SEC24B: variants seen among roughly 807,000 people sequenced by gnomAD.
SEC24B encodes the protein SEC24 homolog B, COPII component, also known as protein transport protein Sec24B.
A neutral mutation model predicts 142.8 loss-of-function variants in SEC24B; 45 were observed. The observed-to-expected ratio is 0.32, with a 90% CI of 0.25 to 0.40. SEC24B has a LOEUF of 0.40. SEC24B is among the 10% of genes least tolerant of loss of function. The probability of loss-of-function intolerance (pLI) is 1.00; values close to 1 mark genes in which losing one functional copy is unlikely to be tolerated. For synonymous variants in SEC24B, 574 were observed against 568.2 expected (o/e 1.01, Z -0.15); for missense variants, 1,409 against 1,526.8 (o/e 0.92, Z 1.29).
rs1277172705 is a variant in SEC24B, at chr4:109,433,993, C to G, written c.124C>G (p.Gln42Glu). Residue 42 changes from glutamine to glutamate, a missense_variant, in exon 1 of 24, where the codon CAG becomes GAG. Physicochemically the swap from Gln to Glu is conservative, Grantham distance 29. Around this residue, in one of 2 missense-constraint regions of SEC24B, gnomAD observed 709 missense variants for 673.5 expected, o/e 1.05. Coordinates refer to ENST00000265175, the MANE Select transcript of SEC24B (RefSeq NM_006323.5). Reference sequence around the variant, plus strand: ...CCCGGGTGCGGGCCCGGCGCCGCACCAGCAGAACGGTGAGGCGGGCGGCCC... The same window carrying G: ...CCCGGGTGCGGGCCCGGCGCCGCACGAGCAGAACGGTGAGGCGGGCGGCCC... ...AGPGAGPAPH[Q>E]QNGPAQNQMQ... The G allele has an allele frequency of 8.4e-7, 1 of 1,183,736 alleles. No individual in the cohort carries two copies. The highest frequency in any genetic ancestry group is 3.7e-5 in the East Asian group (1 of 26,764). 73.3% of individuals were successfully genotyped at this position (1,183,736 alleles called of 1,614,324 possible).
intron 18 of SEC24B, among the ~76,000 whole-genome samples, chr4:109,528,873 A>G (rs1724573820): frequency 6.6e-6 from 1 of 152,194 alleles, no homozygotes; most frequent in Admixed American, 6.5e-5. Context: ...TAACAGAAGC[A>G]TTTAATCAGT....
chr4:109,474,723 C>A (rs1212849966), intron 3 of SEC24B, among the ~76,000 whole-genome samples: 1 of 152,144 alleles, frequency 6.6e-6, no homozygotes, highest in Non-Finnish European at 1.5e-5. Context: ...CCACGCCCAG[C>A]CCCTATCATA....
At position 109,507,278 on chromosome 4, in the gene SEC24B, C is replaced by CT. The variant is rs34809833; in HGVS notation, c.1673+782dup. Among the ~76,000 whole-genome samples, 1,216 of 139,370 alleles carry CT rather than the reference C, an allele frequency of 8.7e-3. 12 individuals carry two copies. The highest frequency in any genetic ancestry group is 0.02 in the African/African-American group (768 of 37,804). 91.4% of individuals were successfully genotyped at this position (139,370 alleles called of 152,430 possible). ...TGATTCACAGAACAACATTGTCTTC[C>CT]TTTTTTTTTTTTTTTTGATGGGGTC... On this transcript the variant is annotated intron_variant, in intron 7 of 23. Coordinates refer to ENST00000265175, the MANE Select transcript of SEC24B (RefSeq NM_006323.5).
chr4:109,470,107 T>A, intron 2 of SEC24B, among the ~76,000 whole-genome samples: 1 of 152,184 alleles, frequency 6.6e-6, no homozygotes, highest in East Asian at 1.9e-4. Context: ...TACCAAGGAA[T>A]GGTCAGGATG....
At chr4:109,483,600 C>G (rs1372376245) in intron 4 of SEC24B, among the ~76,000 whole-genome samples, 1 of 152,082 alleles carries the variant, frequency 6.6e-6, no homozygotes, top group African/African-American at 2.4e-5. Context: ...TTATATGTGA[C>G]CACAATTCTC....
chr4:109,504,306 A>T (rs142122628), intron 6 of SEC24B, among the ~76,000 whole-genome samples: 133 of 152,290 alleles, frequency 8.7e-4, no homozygotes, highest in Admixed American at 1.6e-3. Flanking sequence ...CTGTTTCAAA[A>T]ATGCCTTTGT....
intron 14 of SEC24B, 123 bp from the exon 15 acceptor site, chr4:109,524,695 C>G (rs889295620): frequency 4.0e-6 from 3 of 750,870 alleles, no homozygotes; most frequent in Middle Eastern, 2.5e-4. Flanking sequence ...GCACCAAATG[C>G]CTAGACATTT....
intron 1 of SEC24B, 75 bp downstream of exon 1, chr4:109,434,077 GCGGGC>G: frequency 1.2e-5 from 12 of 965,114 alleles, no homozygotes; most frequent in Non-Finnish European, 1.5e-5. Flanking sequence ...TCGGGGCGGG[GCGGGC>G]CGGGCCGGGA....
chr4:109,457,513 A>G (rs1020473880), intron 1 of SEC24B, among the ~76,000 whole-genome samples: 2 of 152,220 alleles, frequency 1.3e-5, no homozygotes, highest in African/African-American at 4.8e-5. Context: ...AGAAAAGGGG[A>G]CCAAACTTGC....
At chr4:109,530,690 C>T (rs915591112) in intron 19 of SEC24B, among the ~76,000 whole-genome samples, 4 of 151,714 alleles carry the variant, frequency 2.6e-5, no homozygotes, top group Admixed American at 6.6e-5. Flanking sequence ...TCAGCTGATG[C>T]CAGGAGTTTG....
intron 2 of SEC24B, among the ~76,000 whole-genome samples, chr4:109,471,968 T>A (rs2125958007): frequency 6.6e-6 from 1 of 152,348 alleles, no homozygotes; most frequent in South Asian, 2.1e-4. Flanking sequence ...ATTGTGATGA[T>A]GTTTTTAATC....
rs896999015 is a variant in SEC24B, at chr4:109,483,315, A to G, written c.1165+1534A>G. Among the ~76,000 whole-genome samples the G allele has an allele frequency of 5.3e-5, 8 of 150,456 alleles. No individual in the cohort carries two copies. In the South Asian group the frequency reaches 6.4e-4, roughly 12 times the overall value. On this transcript the variant is annotated intron_variant, in intron 4 of 23. Coordinates refer to ENST00000265175, the MANE Select transcript of SEC24B (RefSeq NM_006323.5). ...AGGATGGTCTTGATCTCCTGACCTC[A>G]TGATCCGCCTGCCTTGGCCTCCCAA...
At chr4:109,453,086 C>T (rs185580161) in intron 1 of SEC24B, among the ~76,000 whole-genome samples, 1 of 152,226 alleles carries the variant, frequency 6.6e-6, no homozygotes, top group Admixed American at 6.5e-5. Context: ...ACCCTAAAAC[C>T]AGCAAGTTTT....
chr4:109,433,934 G>T lies in SEC24B; in HGVS notation c.65G>T (p.Gly22Val). ...GCCCGGATCCCGCCCAAGTTCGGCG[G>T]AGCGGCCGTCTCAGGAGCCGCAGCG... ...ASARIPPKFG[G>V]AAVSGAAAPA... Residue 22 changes from glycine (G) to valine (V), a missense_variant, in exon 1 of 24, where the codon GGA becomes GTA. By Grantham distance (109) the Gly-to-Val change is moderately radical. Coordinates refer to ENST00000265175, the MANE Select transcript of SEC24B (RefSeq NM_006323.5). 7.8e-7 allele frequency: 1 copy of T among 1,288,808 alleles called. No individual in the cohort carries two copies. Among genetic ancestry groups the T allele is most frequent in the South Asian group, 2.3e-5 (1 of 43,378 alleles). 79.8% of individuals were successfully genotyped at this position (1,288,808 alleles called of 1,614,324 possible).
intron 1 of SEC24B, among the ~76,000 whole-genome samples, chr4:109,458,924 AT>A (rs1224983616): frequency 6.6e-6 from 1 of 151,916 alleles, no homozygotes; most frequent in African/African-American, 2.4e-5. Flanking sequence ...TATGTAACAA[AT>A]TTTTTTCCTC....
At chr4:109,483,763 G>GT (rs1468379735) in intron 4 of SEC24B, among the ~76,000 whole-genome samples, 2 of 152,026 alleles carry the variant, frequency 1.3e-5, no homozygotes, top group Non-Finnish European at 1.5e-5. Flanking sequence ...CTCTAAATAC[G>GT]TAAGTACCCA....
At chr4:109,460,099 G>A (rs1731104002) in intron 1 of SEC24B, among the ~76,000 whole-genome samples, 3 of 152,046 alleles carry the variant, frequency 2.0e-5, no homozygotes. Flanking sequence ...TTGGTTTTCT[G>A]TATACTTCTT....
chr4:109,519,760 A>G (rs903749234), intron 11 of SEC24B, among the ~76,000 whole-genome samples: 1 of 152,246 alleles, frequency 6.6e-6, no homozygotes, highest in African/African-American at 2.4e-5. Context: ...CATAGCAGTG[A>G]TAATGCTTCT....
chr4:109,513,525 G>A (rs963030880), intron 9 of SEC24B, among the ~76,000 whole-genome samples: 6 of 151,820 alleles, frequency 4.0e-5, no homozygotes, highest in East Asian at 1.9e-4. Context: ...CTCGTGATCC[G>A]CCCGCCGCGG....
Sources: gnomAD v4.1 joint callset for allele counts (sites outside exome capture counted in the v4.1 genomes callset) on GRCh38, gnomAD v4.1.1 for gene constraint, gnomAD v4.1.1 regional missense constraint, MANE v1.5 for transcripts, NCBI Gene and HGNC (gene_info 2026-07-23, HGNC 2026-07-21) for gene names.